PTPRM: variants seen among roughly 807,000 people sequenced by gnomAD.
PTPRM encodes protein tyrosine phosphatase receptor type M.
PTPRM carries 47 observed loss-of-function variants against 186.7 expected under a neutral mutation model. The ratio of observed to expected loss-of-function variants is 0.25; its 90% confidence interval spans 0.20 to 0.32. The LOEUF is 0.32. Ranked by LOEUF, PTPRM falls within the 10% of genes least tolerant of loss-of-function variation. The probability of loss-of-function intolerance (pLI) is 1.00; values close to 1 mark genes in which losing one functional copy is unlikely to be tolerated. For synonymous variants in PTPRM, 668 were observed against 674.9 expected (o/e 0.99, Z 0.16); for missense variants, 1,494 against 1,865.0 (o/e 0.80, Z 3.66).
chr18:7,770,805 AG>A (rs1159545146), intron 1 of PTPRM, among the ~76,000 whole-genome samples: 3 of 151,364 alleles, frequency 2.0e-5, no homozygotes, highest in Non-Finnish European at 4.4e-5. Context: ...ATCTTATTTT[AG>A]CTCAATAAAC....
At chr18:8,235,134 G>A (rs952093782) in intron 14 of PTPRM, among the ~76,000 whole-genome samples, 4 of 152,100 alleles carry the variant, frequency 2.6e-5, no homozygotes, top group Non-Finnish European at 4.4e-5. Context: ...TGTTCTGGGA[G>A]ACATGGTAGA....
At chr18:8,365,365 T>C (rs1391378435) in intron 23 of PTPRM, among the ~76,000 whole-genome samples, 1 of 152,186 alleles carries the variant, frequency 6.6e-6, no homozygotes, top group Non-Finnish European at 1.5e-5. Flanking sequence ...GCTAGGTCTC[T>C]TCTGGGCAAA....
rs2036505964 is a variant in PTPRM, at chr18:7,568,969, G to T, written c.73+1078G>T. Among the ~76,000 whole-genome samples, 1 of 152,154 alleles carries T rather than the reference G, an allele frequency of 6.6e-6. No homozygotes were observed. The highest frequency in any genetic ancestry group is 2.4e-5 in the African/African-American group (1 of 41,430). ...GTTTCATTAAGGTCCACATGCAGTG[G>T]GGGCGGTGGGCTTTCTTTTTCTTTA... On this transcript the variant is annotated intron_variant, in intron 1 of 32. Coordinates refer to ENST00000580170, the MANE Select transcript of PTPRM (RefSeq NM_001105244.2). This position sits in a 1 kb window ranked among gnomAD's most constrained non-coding sequence, Gnocchi z 5.1.
chr18:7,746,142 T>C (rs1346238307), intron 1 of PTPRM, among the ~76,000 whole-genome samples: 2 of 152,042 alleles, frequency 1.3e-5, no homozygotes, highest in Admixed American at 6.5e-5. Context: ...TTTGGGAAAA[T>C]TACAAATGTT....
intron 31 of PTPRM, 141 bp downstream of exon 31, chr18:8,387,376 T>G: frequency 1.1e-6 from 1 of 871,440 alleles, no homozygotes. Context: ...TGACACTCAG[T>G]GAGGGATTGG....
intron 14 of PTPRM, among the ~76,000 whole-genome samples, chr18:8,185,671 C>A (rs936361114): frequency 2.0e-5 from 3 of 152,128 alleles, no homozygotes; most frequent in Non-Finnish European, 4.4e-5. Flanking sequence ...ATAGATGTTT[C>A]CCAGGGAGTA....
intron 7 of PTPRM, among the ~76,000 whole-genome samples, chr18:8,033,899 T>G (rs2086159126): frequency 1.3e-5 from 2 of 152,174 alleles, no homozygotes; most frequent in South Asian, 4.1e-4. Context: ...CGTGCTCCTT[T>G]CAGAAGCTTT....
chr18:7,795,470 G>GAAATAAAAAAA (rs2043578843), intron 2 of PTPRM, among the ~76,000 whole-genome samples: 1 of 129,522 alleles, frequency 7.7e-6, no homozygotes. Context: ...GCTTGTTCTG[G>GAAATAAAAAAA]AAAAAAAAAA....
intron 1 of PTPRM, among the ~76,000 whole-genome samples, chr18:7,623,374 T>C (rs1183871680): frequency 1.3e-5 from 2 of 152,174 alleles, no homozygotes; most frequent in African/African-American, 4.8e-5. Context: ...AAAGTAGCAC[T>C]ACTAACAATT....
chr18:7,650,188 C>T (rs142063650), intron 1 of PTPRM, among the ~76,000 whole-genome samples: 25 of 152,130 alleles, frequency 1.6e-4, no homozygotes, highest in African/African-American at 4.8e-4. Flanking sequence ...TACAGGACTT[C>T]GGCATTCGTA....
intron 1 of PTPRM, among the ~76,000 whole-genome samples, chr18:7,653,914 A>C (rs1186626644): frequency 6.6e-6 from 1 of 152,134 alleles, no homozygotes; most frequent in Non-Finnish European, 1.5e-5. Context: ...CAATGGCTGA[A>C]CTGATTTACA....
At chr18:7,828,250 T>A in intron 2 of PTPRM, among the ~76,000 whole-genome samples, 1 of 151,918 alleles carries the variant, frequency 6.6e-6, no homozygotes, top group Non-Finnish European at 1.5e-5. Flanking sequence ...TTTATTTTTA[T>A]TTTTTAATTT....
chr18:8,029,204 A>G (rs559462651), intron 7 of PTPRM, among the ~76,000 whole-genome samples: 2 of 150,870 alleles, frequency 1.3e-5, no homozygotes, highest in South Asian at 4.2e-4. Context: ...CCTCTCCTCC[A>G]CCTGTCCTGC....
intron 7 of PTPRM, among the ~76,000 whole-genome samples, chr18:8,015,599 C>G (rs1430845104): frequency 6.6e-6 from 1 of 152,138 alleles, no homozygotes; most frequent in Admixed American, 6.5e-5. Flanking sequence ...GCTTACTATA[C>G]TTAGTATGAT....
chr18:7,657,402 C>G (rs1398805908), intron 1 of PTPRM, among the ~76,000 whole-genome samples: 1 of 152,194 alleles, frequency 6.6e-6, no homozygotes, highest in Non-Finnish European at 1.5e-5. Context: ...TTGAGGGAGA[C>G]AAGCAGCACA....
chr18:8,089,408 T>C (rs912226216), intron 11 of PTPRM, among the ~76,000 whole-genome samples: 4 of 152,196 alleles, frequency 2.6e-5, no homozygotes, highest in Admixed American at 2.6e-4. Flanking sequence ...TATTCCATGA[T>C]GATTTATATA....
intron 2 of PTPRM, among the ~76,000 whole-genome samples, chr18:7,776,579 G>A (rs2042593774): frequency 6.6e-6 from 1 of 151,510 alleles, no homozygotes; most frequent in African/African-American, 2.4e-5. Flanking sequence ...CCCAATGTAT[G>A]CTAAACATGA....
chr18:8,117,208 G>A lies in PTPRM; in HGVS notation c.2167+2381G>A, dbSNP rs556156103. Among the ~76,000 whole-genome samples, 7 of 152,270 alleles carry A rather than the reference G, an allele frequency of 4.6e-5. 1 individual carries two copies. The highest frequency in any genetic ancestry group is 1.7e-4 in the African/African-American group (7 of 41,562). ...CTACATAGTCAAAACAGAGAAATAG[G>A]AAGATCTAATAACTGTTGATACCAC... On this transcript the variant is annotated intron_variant, in intron 13 of 32. Transcript: ENST00000580170.
intron 2 of PTPRM, among the ~76,000 whole-genome samples, chr18:7,883,813 G>A (rs753585734): frequency 2.0e-5 from 3 of 152,198 alleles, no homozygotes; most frequent in Admixed American, 6.5e-5. Flanking sequence ...GACCAGGAGA[G>A]TTGTGAGGTG....
Sources: gnomAD v4.1 joint callset for allele counts (sites outside exome capture counted in the v4.1 genomes callset) on GRCh38, gnomAD v4.1.1 for gene constraint, Gnocchi (gnomAD v3.1) non-coding constraint, MANE v1.5 for transcripts, NCBI Gene and HGNC (gene_info 2026-07-23, HGNC 2026-07-21) for gene names.